The following RTL9 variants were observed in gnomAD, a reference collection of about 807,000 sequenced individuals.
RTL9 encodes the protein retrotransposon Gag like 9.
Under a neutral mutation model 44.7 loss-of-function variants are expected in RTL9, and 19 were observed. The observed-to-expected ratio is 0.42, with a 90% confidence interval of 0.30 to 0.62. The LOEUF is 0.62. Among genes scored for constraint, RTL9 ranks in the 20% least tolerant of loss-of-function variants. RTL9 has a pLI of 0.16. For missense variants in RTL9, 1,105 were observed against 1,080.6 expected, an observed-to-expected ratio of 1.02 and a Z score of -0.32; for synonymous variants, 407 against 398.9, an observed-to-expected ratio of 1.02 and a Z score of -0.24.
intron 1 of RTL9, among the ~76,000 whole-genome samples, chrX:110,413,755 C>A (rs1202188362): frequency 9.0e-6 from 1 of 110,668 alleles, no homozygotes; most frequent in Non-Finnish European, 1.9e-5. Context: ...TTTTGAGCCC[C>A]CTCCATCCAT....
chrX:110,369,593 G>A (rs2068323404), intron 1 of RTL9, among the ~76,000 whole-genome samples: 1 of 110,335 alleles, frequency 9.1e-6, no homozygotes, highest in Non-Finnish European at 1.9e-5. Context: ...ACATCAGCCT[G>A]GGGCATGTCA....
At chrX:110,434,233 A>G (rs2068819462) in intron 1 of RTL9, among the ~76,000 whole-genome samples, 1 of 111,635 alleles carries the variant, frequency 9.0e-6, no homozygotes, top group Admixed American at 9.5e-5. Flanking sequence ...GTGGACGAGT[A>G]TTTGGGGTCA....
intron 1 of RTL9, among the ~76,000 whole-genome samples, chrX:110,399,841 A>T (rs1214635504): frequency 8.9e-6 from 1 of 112,240 alleles, no homozygotes; most frequent in Non-Finnish European, 1.9e-5. Flanking sequence ...GAAGATAATT[A>T]AAAAATGTTC....
At chrX:110,360,130 C>T (rs1220428764) in intron 1 of RTL9, among the ~76,000 whole-genome samples, 1 of 111,386 alleles carries the variant, frequency 9.0e-6, no homozygotes, top group Admixed American at 9.6e-5. Context: ...GAAGAAATCT[C>T]ATAGCCTCAG....
intron 1 of RTL9, among the ~76,000 whole-genome samples, chrX:110,430,326 G>A (rs1418333550): frequency 8.9e-6 from 1 of 112,621 alleles, no homozygotes; most frequent in Non-Finnish European, 1.9e-5. Context: ...CATTTATTGA[G>A]CAATGATTAT....
chrX:110,431,914 C>G (rs905299315), intron 1 of RTL9, among the ~76,000 whole-genome samples: 2 of 111,850 alleles, frequency 1.8e-5, no homozygotes, highest in East Asian at 5.6e-4. Flanking sequence ...AGAGTTGACA[C>G]TGTCCAAAGG....
At chrX:110,369,936 G>C (rs761077296) in intron 1 of RTL9, among the ~76,000 whole-genome samples, 2 of 110,939 alleles carry the variant, frequency 1.8e-5, no homozygotes, top group Non-Finnish European at 3.8e-5. Flanking sequence ...ACTTGTGTGC[G>C]TGTGTACATG....
chrX:110,437,422 C>A (rs1262103795), intron 1 of RTL9, among the ~76,000 whole-genome samples: 1 of 112,135 alleles, frequency 8.9e-6, no homozygotes, highest in Non-Finnish European at 1.9e-5. Flanking sequence ...TATTACTGTG[C>A]CCATTTTACA....
intron 1 of RTL9, among the ~76,000 whole-genome samples, chrX:110,442,245 C>CTGTGTG (rs778332389): frequency 6.0e-5 from 6 of 100,785 alleles, no homozygotes; most frequent in African/African-American, 1.9e-4. Context: ...CTCTCTCTCT[C>CTGTGTG]TCTGTGTGTG....
intron 1 of RTL9, among the ~76,000 whole-genome samples, chrX:110,387,113 T>C (rs2068461155): frequency 1.8e-5 from 2 of 112,037 alleles, no homozygotes; most frequent in East Asian, 2.8e-4. Context: ...CATGCCTGTG[T>C]AATACTAAAC....
At chrX:110,451,234 T>G (rs1432719826) in exon 1 of RTL9, 1 of 1,211,533 alleles carries the variant, frequency 8.3e-7, no homozygotes, top group South Asian at 1.8e-5. Flanking sequence ...TTATCCCCAA[T>G]TCTAATGCAA....
chrX:110,444,254 TTC>T lies in RTL9; in HGVS notation c.-167-893_-167-892del, dbSNP rs759317569. Among the ~76,000 whole-genome samples, 237 of 113,138 alleles carry T rather than the reference TTC, an allele frequency of 2.1e-3. 3 individuals carry two copies. Among genetic ancestry groups the T allele is most frequent in the Non-Finnish European group, 3.7e-3 (198 of 53,396 alleles). On this transcript the variant is annotated intron_variant, in intron 1 of 3. Transcript: ENST00000465301. Reference sequence around the variant, plus strand: ...TGAATCCGCACTTGGCAACTTTTATTTCTCTCTGTCCATTCCTGTGGATACTT... The same window carrying T: ...TGAATCCGCACTTGGCAACTTTTATTTCTCTGTCCATTCCTGTGGATACTT...
exon 1 of RTL9, chrX:110,453,982 ACAT>A: frequency 8.3e-7 from 1 of 1,212,000 alleles, no homozygotes; most frequent in African/African-American, 1.7e-5. Flanking sequence ...CCCACATCGC[ACAT>A]GACTGCCACA....
intron 1 of RTL9, among the ~76,000 whole-genome samples, chrX:110,371,963 T>C (rs1301266393): frequency 9.0e-6 from 1 of 111,721 alleles, no homozygotes; most frequent in Admixed American, 9.5e-5. Context: ...AATATCCTAC[T>C]AGATCCTTTA....
chrX:110,369,329 C>G (rs182719474), intron 1 of RTL9, among the ~76,000 whole-genome samples: 1 of 110,826 alleles, frequency 9.0e-6, no homozygotes, highest in East Asian at 2.8e-4. Context: ...AAGATTCTGT[C>G]TCAGTAAAAG....
intron 1 of RTL9, among the ~76,000 whole-genome samples, chrX:110,385,320 T>C (rs919378842): frequency 8.9e-6 from 1 of 112,172 alleles, no homozygotes; most frequent in Non-Finnish European, 1.9e-5. Flanking sequence ...TATTAGCTTT[T>C]AAAAACAGCT....
chrX:110,444,505 G>T (rs1224320330), intron 1 of RTL9, among the ~76,000 whole-genome samples: 2 of 112,608 alleles, frequency 1.8e-5, no homozygotes, highest in Non-Finnish European at 3.8e-5. Context: ...TAAATGTTTC[G>T]CAGAGAAGAG....
At chrX:110,359,716 T>C (rs1354643274) in intron 1 of RTL9, among the ~76,000 whole-genome samples, 1 of 111,977 alleles carries the variant, frequency 8.9e-6, no homozygotes, top group Non-Finnish European at 1.9e-5. Context: ...GTATAAAAAT[T>C]GTTGCTCTTA....
At position 110,452,051 on chromosome X, in the gene RTL9, A is replaced by G. The variant is rs771287487; in HGVS notation, c.1434A>G (p.Thr478=). The stretch of plus-strand genomic sequence containing the variant: ...CCAAAACTTCTGGAGCAATGCCCAC[A>G]GGCTCTATGAAAGCCGTGGCAAAAC... The change falls in exon 1 of 2, where the codon ACA becomes ACG. Residue 478 remains threonine, a synonymous_variant. Transcript: ENST00000540313. The G allele has an allele frequency of 1.5e-5, 18 of 1,209,939 alleles. No individual in the cohort carries two copies. The East Asian group carries it at 5.3e-4, about 36-fold the overall frequency.
Sources: allele counts gnomAD v4.1 joint callset (sites outside exome capture counted in the v4.1 genomes callset), GRCh38; gene constraint gnomAD v4.1.1; transcripts MANE v1.5; gene names NCBI Gene and HGNC (gene_info 2026-07-23, HGNC 2026-07-21).